Variants in EYA1 observed in about 807,000 individuals in gnomAD.
EYA1 encodes the protein protein phosphatase EYA1.
Under a neutral mutation model 82.0 loss-of-function variants are expected in EYA1, and 16 were observed. The ratio of observed to expected loss-of-function variants is 0.20; its 90% CI spans 0.13 to 0.30. The LOEUF (loss-of-function observed/expected upper bound fraction) is 0.30. EYA1 is among the 10% of genes least tolerant of loss of function. The probability of loss-of-function intolerance (pLI) is 1.00; values close to 1 mark genes in which losing one functional copy is unlikely to be tolerated. For synonymous variants in EYA1, 261 were observed against 264.4 expected (o/e 0.99, Z 0.12); for missense variants, 633 against 730.7 (o/e 0.87, Z 1.54).
At position 71,244,595 on chromosome 8, in the gene EYA1, G is replaced by C. The variant is rs1363303440; in HGVS notation, c.1140+8C>G. 1 of 1,453,782 alleles carries C rather than the reference G, an allele frequency of 6.9e-7. No individual in the cohort carries two copies. Among genetic ancestry groups the C allele is most frequent in the African/African-American group, 1.4e-5 (1 of 70,996 alleles). The allele number at this position is 1,453,782 out of a possible 1,614,324, so 90.1% of individuals were successfully genotyped here. ...ATGCAAAAATATGTATTAAAAATTA[G>C]AACTTACTTCTAAGTCATTAAAAAA... On this transcript the variant is annotated splice_region_variant and intron_variant, in intron 12 of 17. Coordinates refer to ENST00000340726, the MANE Select transcript of EYA1 (RefSeq NM_000503.6).
chr8:71,298,619 T>C (rs544643307), intron 9 of EYA1, among the ~76,000 whole-genome samples: 1 of 152,330 alleles, frequency 6.6e-6, no homozygotes, highest in East Asian at 1.9e-4. Context: ...GGCTCACTTT[T>C]GATTGTTTTT....
At chr8:71,282,711 G>A (rs1586167712) in intron 9 of EYA1, among the ~76,000 whole-genome samples, 1 of 152,230 alleles carries the variant, frequency 6.6e-6, no homozygotes, top group Admixed American at 6.5e-5. Flanking sequence ...CTCAGTGCTT[G>A]TCTCCTCTTC....
intron 7 of EYA1, among the ~76,000 whole-genome samples, chr8:71,315,449 A>G (rs1180184532): frequency 6.6e-6 from 1 of 152,084 alleles, no homozygotes; most frequent in Non-Finnish European, 1.5e-5. Context: ...CACTTTTAGG[A>G]TCCACTTCTC....
chr8:71,283,155 T>C (rs868174828), intron 9 of EYA1, among the ~76,000 whole-genome samples: 6 of 152,124 alleles, frequency 3.9e-5, no homozygotes, highest in African/African-American at 1.4e-4. Context: ...GAGGCTCCAA[T>C]GCCTTATGGG....
intron 17 of EYA1, among the ~76,000 whole-genome samples, chr8:71,209,970 G>A (rs1808298397): frequency 6.6e-6 from 1 of 152,116 alleles, no homozygotes; most frequent in Non-Finnish European, 1.5e-5. Context: ...AATAACAATA[G>A]CTACCATTTG....
At chr8:71,503,090 A>G (rs1332546048) in intron 2 of EYA1, among the ~76,000 whole-genome samples, 2 of 152,096 alleles carry the variant, frequency 1.3e-5, no homozygotes, top group African/African-American at 4.8e-5. Context: ...CCTTGAGGTC[A>G]GGAACTCAAT....
chr8:71,306,567 T>A (rs1820762879), intron 7 of EYA1, among the ~76,000 whole-genome samples: 1 of 152,174 alleles, frequency 6.6e-6, no homozygotes, highest in Admixed American at 6.5e-5. Context: ...AACCAGGCTG[T>A]TGCCTACAGC....
intron 2 of EYA1, among the ~76,000 whole-genome samples, chr8:71,457,770 A>T (rs185788730): frequency 1.3e-5 from 2 of 151,952 alleles, no homozygotes; most frequent in East Asian, 3.9e-4. Context: ...GCATTCGGAG[A>T]TATACCTAAT....
At chr8:71,515,775 C>G (rs1223058670) in intron 2 of EYA1, among the ~76,000 whole-genome samples, 1 of 152,094 alleles carries the variant, frequency 6.6e-6, no homozygotes, top group Non-Finnish European at 1.5e-5. Context: ...CCTATCAAAA[C>G]TATAACTGTA....
chr8:71,445,881 G>C (rs1806838068), intron 2 of EYA1, among the ~76,000 whole-genome samples: 1 of 152,070 alleles, frequency 6.6e-6, no homozygotes, highest in African/African-American at 2.4e-5. Context: ...AATTAACAAA[G>C]GTATGAGTTA....
chr8:71,479,668 G>T (rs1327108496), intron 2 of EYA1, among the ~76,000 whole-genome samples: 1 of 146,524 alleles, frequency 6.8e-6, no homozygotes, highest in Non-Finnish European at 1.5e-5. Context: ...GATATTTGGG[G>T]ATACCATTTT....
chr8:71,323,904 C>T lies in EYA1; in HGVS notation c.203-1636G>A, dbSNP rs1220823116. 3.3e-5 allele frequency: 5 copies of T among 152,338 alleles called. No individual in the cohort carries two copies. In the East Asian group the frequency reaches 7.7e-4, roughly 24 times the overall value. The allele number at this position is 152,338 out of a possible 1,614,324, so 9.4% of individuals were successfully genotyped here. ...TTGCCCAGGTCATCTGCAACTAAAA[C>T]CTCTTCTGCTCCTCTAAGACAGAAA... On this transcript the variant is annotated intron_variant, in intron 4 of 17. Transcript: ENST00000340726.
chr8:71,486,594 G>A (rs961969147), intron 2 of EYA1, among the ~76,000 whole-genome samples: 2 of 152,166 alleles, frequency 1.3e-5, no homozygotes, highest in African/African-American at 2.4e-5. Context: ...TCCGAATCCA[G>A]AGAAAAAAGA....
At chr8:71,257,241 C>T (rs115643582) in intron 11 of EYA1, among the ~76,000 whole-genome samples, 5,049 of 151,938 alleles carry the variant, frequency 0.033, 241 homozygotes, top group African/African-American at 0.11. Flanking sequence ...CAGAGGGATA[C>T]GATGAAGATA....
chr8:71,533,332 GGTGGGGGGAAGATGGAAT>G (rs2129285690), intron 2 of EYA1, among the ~76,000 whole-genome samples: 1 of 152,306 alleles, frequency 6.6e-6, no homozygotes, highest in African/African-American at 2.4e-5. Context: ...ATGACGAGTA[GGTGGGGGGAAGATGGAAT>G]GAGAATGGCC....
At chr8:71,365,229 T>C (rs1827686977), upstream of EYA1, among the ~76,000 whole-genome samples, 1 of 151,874 alleles carries the variant, frequency 6.6e-6, no homozygotes, top group Non-Finnish European at 1.5e-5. Context: ...CTTTCCCTTT[T>C]AATTCCAATA....
chr8:71,441,562 A>T (rs894843594), intron 2 of EYA1, among the ~76,000 whole-genome samples: 1 of 152,248 alleles, frequency 6.6e-6, no homozygotes, highest in African/African-American at 2.4e-5. Context: ...GAAGCTTTCA[A>T]GCAACATAGT....
At chr8:71,232,579 G>C (rs1811325939) in intron 12 of EYA1, among the ~76,000 whole-genome samples, 1 of 152,218 alleles carries the variant, frequency 6.6e-6, no homozygotes, top group African/African-American at 2.4e-5. Context: ...ATGCAACTGG[G>C]GGTGGGAGGA....
At chr8:71,407,743 T>C (rs971134233) in intron 2 of EYA1, among the ~76,000 whole-genome samples, 1 of 131,884 alleles carries the variant, frequency 7.6e-6, no homozygotes, top group African/African-American at 2.8e-5. Flanking sequence ...AATCTACATC[T>C]GATTGGTGTA....
Sources: gnomAD v4.1 joint callset for allele counts (sites outside exome capture counted in the v4.1 genomes callset) on GRCh38, gnomAD v4.1.1 for gene constraint, MANE v1.5 for transcripts, NCBI Gene and HGNC (gene_info 2026-07-23, HGNC 2026-07-21) for gene names.